Variants in LRRC27 observed in about 807,000 individuals in gnomAD.
The protein encoded by LRRC27 is leucine-rich repeat-containing protein 27.
In LRRC27, 57 loss-of-function variants were observed where a neutral mutation model predicts 55.0. The observed-to-expected ratio is 1.04, with a 90% CI of 0.84 to 1.29. The LOEUF is 1.29. Among genes scored for constraint, LRRC27 ranks in the 50% most tolerant of loss-of-function variants. LRRC27 has a pLI of 0.00. For missense variants in LRRC27, 721 were observed against 651.5 expected, an observed-to-expected ratio of 1.11 and a Z score of -1.16; for synonymous variants, 278 against 251.9, an observed-to-expected ratio of 1.10 and a Z score of -0.98.
At chr10:132,363,219 A>C (rs78457816) in intron 9 of LRRC27, among the ~76,000 whole-genome samples, 1,779 of 95,582 alleles carry the variant, frequency 0.019, 265 homozygotes, top group Admixed American at 0.043. Context: ...CACCCCTCTT[A>C]CCTCACAGCA....
intron 6 of LRRC27, chr10:132,349,043 C>T: frequency 6.2e-7 from 1 of 1,607,716 alleles, no homozygotes; most frequent in Non-Finnish European, 8.5e-7. Context: ...GGGCGTGCGC[C>T]TACACATATG....
chr10:132,379,535 C>G lies in LRRC27; in HGVS notation c.*4293C>G, dbSNP rs2069385254. The G allele has an allele frequency of 6.6e-6, 1 of 152,312 alleles. No homozygotes were observed. Among genetic ancestry groups the G allele is most frequent in the Non-Finnish European group, 1.5e-5 (1 of 68,120 alleles). The allele number at this position is 152,312 out of a possible 1,614,324, so 9.4% of individuals were successfully genotyped here. A position where few individuals can be genotyped will look rare whatever the true frequency, so the allele number is the denominator to read the frequency against. On this transcript the variant is annotated 3_prime_UTR_variant, in exon 11 of 11. Coordinates refer to ENST00000368614, the MANE Select transcript of LRRC27 (RefSeq NM_030626.3). ...ACATCTGCTCGTGCATGCCATCCAC[C>G]TTTTCCACTAGATCCTTTTACATCA... is the stretch of plus-strand genomic sequence containing the variant.
chr10:132,361,390 C>A, intron 8 of LRRC27, 67 bp from the exon 9 acceptor site: 3 of 1,322,534 alleles, frequency 2.3e-6, no homozygotes, highest in Non-Finnish European at 3.3e-6. Context: ...ACACACCTTG[C>A]AGGTTAGCTT....
intron 5 of LRRC27, among the ~76,000 whole-genome samples, chr10:132,345,512 C>T (rs2067638173): frequency 6.6e-6 from 1 of 152,192 alleles, no homozygotes; most frequent in Admixed American, 6.5e-5. Flanking sequence ...CATATTTTAA[C>T]CAGGTTATAG....
At position 132,348,282 on chromosome 10, in the gene LRRC27, G is replaced by T. The variant is rs771177538; in HGVS notation, c.852G>T (p.Thr284=). ...ACGTTCTGGGAGATCAGCTCTTGAC[G>T]AGGGAATTACCTCCAAATCTCAAGG... ...KADVLGDQLL[T]RELPPNLKAA... is the part of the protein sequence containing the mutation. The change falls in exon 6 of 11, where the codon ACG becomes ACT. Residue 284 remains threonine (T), a synonymous_variant. Transcript: ENST00000368614. The surrounding 1 kb of genome is among the most constrained non-coding windows in gnomAD (Gnocchi z 4.2). 1.6e-5 allele frequency: 26 copies of T among 1,613,896 alleles called. No homozygotes were observed. Among genetic ancestry groups the T allele is most frequent in the Non-Finnish European group, 2.2e-5 (26 of 1,180,022 alleles).
In LRRC27 at chr10:132,351,716, C is replaced by T. The variant is rs765533762; in HGVS notation, c.1036C>T (p.Leu346Phe). ...GAGCCGAGCGGCGGCGCTCCGAGAG[C>T]TCCAGGAGAAGCAGGCTCTGATGGA... is the stretch of plus-strand genomic sequence containing the variant. Reference protein sequence around the residue: ...EESRAAALRELQEKQALMEQQ... With the variant: ...EESRAAALREFQEKQALMEQQ... Residue 346 changes from leucine to phenylalanine, a missense_variant, in exon 7 of 11, where the codon CTC becomes TTC. By Grantham distance (22) the Leu-to-Phe change is conservative. Coordinates refer to ENST00000368614, the MANE Select transcript of LRRC27 (RefSeq NM_030626.3). The T allele has an allele frequency of 6.2e-6, 10 of 1,613,552 alleles. 1 individual carries two copies. Among genetic ancestry groups the T allele is most frequent in the South Asian group, 1.1e-5 (1 of 91,066 alleles).
intron 5 of LRRC27, 123 bp from the exon 6 acceptor site, chr10:132,347,861 G>A: frequency 7.4e-6 from 9 of 1,212,082 alleles, no homozygotes; most frequent in Middle Eastern, 2.9e-4. Flanking sequence ...GACAGGGAAC[G>A]TGGCAGCCAT....
chr10:132,338,712 T>C (rs1434641663), intron 3 of LRRC27, among the ~76,000 whole-genome samples: 1 of 145,740 alleles, frequency 6.9e-6, no homozygotes, highest in African/African-American at 2.5e-5. Flanking sequence ...CTTTCTTTCT[T>C]TTTTTTTTTT....
At chr10:132,353,957 G>A (rs1011163552) in intron 7 of LRRC27, among the ~76,000 whole-genome samples, 10 of 152,200 alleles carry the variant, frequency 6.6e-5, no homozygotes, top group African/African-American at 2.4e-5. Flanking sequence ...TCAAGGTACC[G>A]TTTTCTGAAG....
In LRRC27 at chr10:132,365,409, C is replaced by T. The variant is rs200111099; in HGVS notation, c.1290-15C>T. 1.0e-4 allele frequency: 165 copies of T among 1,612,956 alleles called. No homozygotes were observed. Among genetic ancestry groups the T allele is most frequent in the Non-Finnish European group, 1.2e-4 (147 of 1,179,700 alleles). On this transcript the variant is annotated splice_polypyrimidine_tract_variant and intron_variant, in intron 9 of 10. Transcript: ENST00000368614. ...ATGTGTCAAGTCATTTCCCTCTTTG[C>T]CCTTTGTTTCTCAGTGCCCTGCAGG...
upstream of LRRC27, chr10:132,330,480 AGC>A (rs201437663): frequency 2.8e-6 from 2 of 717,002 alleles, no homozygotes; most frequent in Non-Finnish European, 5.2e-6. Flanking sequence ...TTGTGCTTTC[AGC>A]TTCCTGATTG....
At chr10:132,335,640 G>A (rs74161782) in intron 2 of LRRC27, among the ~76,000 whole-genome samples, 1 of 151,986 alleles carries the variant, frequency 6.6e-6, no homozygotes, top group African/African-American at 2.4e-5. Context: ...TACGGTGCAG[G>A]TTCCTCCCCT....
chr10:132,355,705 G>A (rs2068276199), intron 7 of LRRC27, 85 bp from the exon 8 acceptor site: 4 of 1,061,636 alleles, frequency 3.8e-6, no homozygotes, highest in Non-Finnish European at 4.2e-6. Context: ...CAGGTGCACC[G>A]CAAGGCTGTA....
chr10:132,347,109 A>G (rs2067742091), intron 5 of LRRC27, among the ~76,000 whole-genome samples: 1 of 152,262 alleles, frequency 6.6e-6, no homozygotes, highest in African/African-American at 2.4e-5. Flanking sequence ...CAAAAGCATC[A>G]CCAAACAAGA....
chr10:132,338,588 T>C (rs2067239093), intron 3 of LRRC27, among the ~76,000 whole-genome samples: 1 of 152,140 alleles, frequency 6.6e-6, no homozygotes. Context: ...AGGACTCTAC[T>C]CTCACTATGG....
intron 3 of LRRC27, among the ~76,000 whole-genome samples, chr10:132,339,552 C>G (rs988863204): frequency 1.3e-5 from 2 of 152,178 alleles, no homozygotes; most frequent in African/African-American, 4.8e-5. Context: ...CCGAGCCCGG[C>G]CAGCCGCTTG....
At position 132,352,064 on chromosome 10, in the gene LRRC27, GGCAGGC is replaced by G. The variant is rs1247964244; in HGVS notation, c.1073+317_1073+322del. 6.6e-3 allele frequency among the ~76,000 whole-genome samples: 678 copies of G among 102,862 alleles called. 1 individual carries two copies. The highest frequency in any genetic ancestry group is 0.012 in the East Asian group (36 of 3,000). The allele number at this position is 102,862 out of a possible 152,430, so 67.5% of individuals were successfully genotyped here. On this transcript the variant is annotated intron_variant, in intron 7 of 10. Coordinates refer to ENST00000368614, the MANE Select transcript of LRRC27 (RefSeq NM_030626.3). Reference sequence around the variant, plus strand: ...GGCAGGCGCTGAGGCCTCCGTGTGGGGCAGGCGCAGGTGCAGCGCTCCGTGTGGGGC... The same window carrying G: ...GGCAGGCGCTGAGGCCTCCGTGTGGGGCAGGTGCAGCGCTCCGTGTGGGGC...
intron 9 of LRRC27, among the ~76,000 whole-genome samples, chr10:132,364,628 C>T (rs1206749096): frequency 3.3e-5 from 4 of 121,896 alleles, no homozygotes; most frequent in South Asian, 2.7e-4. Context: ...TCTACCTCCA[C>T]GCCCACACTT....
chr10:132,364,446 C>CACCCACAATTACACCCACACTTACATCT (rs2068855449), intron 9 of LRRC27, among the ~76,000 whole-genome samples: 1 of 142,102 alleles, frequency 7.0e-6, no homozygotes, highest in African/African-American at 2.8e-5. Flanking sequence ...TCTACCTCCA[C>CACCCACAATTACACCCACACTTACATCT]ACCCACACTC....
Sources: gnomAD v4.1 joint callset for allele counts (sites outside exome capture counted in the v4.1 genomes callset) on GRCh38, gnomAD v4.1.1 for gene constraint, Gnocchi (gnomAD v3.1) non-coding constraint, MANE v1.5 for transcripts, NCBI Gene and HGNC (gene_info 2026-07-23, HGNC 2026-07-21) for gene names.